Variants in DENND2C observed in about 807,000 individuals in gnomAD.
DENND2C encodes the protein DENN domain-containing protein 2C.
DENND2C carries 72 observed loss-of-function variants against 112.4 expected under a neutral mutation model. The observed-to-expected ratio is 0.64, with a 90% confidence interval of 0.53 to 0.78. The LOEUF (loss-of-function observed/expected upper bound fraction) is 0.78. Ranked by LOEUF, DENND2C falls within the 30% of genes least tolerant of loss-of-function variation. The pLI, the probability that DENND2C is intolerant of heterozygous loss-of-function variation, is 0.00. For missense variants in DENND2C, 992 were observed against 1,113.8 expected, an observed-to-expected ratio of 0.89 and a Z score of 1.56; for synonymous variants, 329 against 381.6, an observed-to-expected ratio of 0.86 and a Z score of 1.61.
chr1:114,615,949 C>T (rs954712326), intron 8 of DENND2C, among the ~76,000 whole-genome samples: 5 of 152,134 alleles, frequency 3.3e-5, no homozygotes, highest in South Asian at 4.1e-4. Context: ...GTGGTGGGCA[C>T]CTGTAATCCC....
intron 3 of DENND2C, among the ~76,000 whole-genome samples, chr1:114,644,619 G>GT (rs1427589181): frequency 6.6e-6 from 1 of 152,114 alleles, no homozygotes; most frequent in African/African-American, 2.4e-5. Flanking sequence ...CAATAAGAAT[G>GT]TTTTTTGTAT....
At position 114,608,865 on chromosome 1, in the gene DENND2C, T is replaced by C. The variant is rs905401757; in HGVS notation, c.1378A>G (p.Lys460Glu). 6.2e-7 allele frequency: 1 copy of C among 1,614,154 alleles called. No individual in the cohort carries two copies. The highest frequency in any genetic ancestry group is 1.3e-5 in the African/African-American group (1 of 75,056). The change falls in exon 10 of 21, where the codon AAA becomes GAA. Residue 460 changes from lysine to glutamate, a missense_variant. By Grantham distance (56) the Lys-to-Glu change is moderately conservative. Coordinates refer to ENST00000393274, the MANE Select transcript of DENND2C (RefSeq NM_001256404.2). ...DAEYLPKNRH[K>E]RLAQLQPSSK... ...GACGGTTGCAGTTGTGCTAAGCGTTTATGGCGATCTGTAATGAAATCATGG... is the reference window on the plus strand; with the variant it reads ...GACGGTTGCAGTTGTGCTAAGCGTTCATGGCGATCTGTAATGAAATCATGG...
chr1:114,645,300 C>CA (rs1484145257), intron 3 of DENND2C, 148 bp downstream of exon 3: 3 of 152,110 alleles, frequency 2.0e-5, no homozygotes, highest in Non-Finnish European at 2.9e-5. Flanking sequence ...AAAATGAGGT[C>CA]AGTAGGGTGG....
At chr1:114,610,267 G>A (rs1230104800) in intron 9 of DENND2C, among the ~76,000 whole-genome samples, 2 of 152,122 alleles carry the variant, frequency 1.3e-5, no homozygotes, top group Non-Finnish European at 2.9e-5. Context: ...GAAATGCATG[G>A]TGCATTCTAT....
chr1:114,656,129 A>G (rs1265753885), intron 1 of DENND2C, among the ~76,000 whole-genome samples: 16 of 149,916 alleles, frequency 1.1e-4, no homozygotes, highest in African/African-American at 1.7e-4. Flanking sequence ...GTGCAATGGT[A>G]CAATCACGGC....
At chr1:114,654,820 G>C (rs1434775210) in intron 1 of DENND2C, 59 bp from the exon 2 acceptor site, 7 of 151,340 alleles carry the variant, frequency 4.6e-5, no homozygotes, top group African/African-American at 1.7e-4. Context: ...AGGTCCCCAG[G>C]TGCCTATATT....
rs924536949 is a variant in DENND2C at position 114,604,846 on chromosome 1, T to C, written c.1667+76A>G. 3 of 1,031,128 alleles carry C rather than the reference T, an allele frequency of 2.9e-6. 1 individual carries two copies. Among genetic ancestry groups the C allele is most frequent in the Middle Eastern group, 4.1e-4 (2 of 4,904 alleles). The allele number at this position is 1,031,128 out of a possible 1,614,324, so 63.9% of individuals were successfully genotyped here. On this transcript the variant is annotated intron_variant, in intron 11 of 20. Coordinates refer to ENST00000393274, the MANE Select transcript of DENND2C (RefSeq NM_001256404.2). ...GTATTCACATAGCTTCACTAATGGC[T>C]GTACCCATTTCTCAAATACTCTGAT...
intron 17 of DENND2C, 119 bp from the exon 18 acceptor site, chr1:114,594,697 G>C (rs1655292295): frequency 5.3e-6 from 4 of 753,420 alleles, no homozygotes; most frequent in Non-Finnish European, 8.5e-6. Context: ...TTTGGCTAAA[G>C]AGTCAGTCTG....
At chr1:114,657,354 T>A (rs182438553) in intron 1 of DENND2C, among the ~76,000 whole-genome samples, 1 of 152,228 alleles carries the variant, frequency 6.6e-6, no homozygotes, top group South Asian at 2.1e-4. Context: ...TACATCATCA[T>A]GTTCTGTTAG....
At chr1:114,622,870 A>G in intron 6 of DENND2C, 117 bp downstream of exon 6, 1 of 657,774 alleles carries the variant, frequency 1.5e-6, no homozygotes, top group Non-Finnish European at 2.3e-6. Context: ...TACCACCAAC[A>G]TTAAAACTTA....
At chr1:114,649,089 G>A (rs752052703) in intron 2 of DENND2C, among the ~76,000 whole-genome samples, 1 of 151,778 alleles carries the variant, frequency 6.6e-6, no homozygotes, top group Non-Finnish European at 1.5e-5. Context: ...CGAGTAGCTG[G>A]GATTACAGGC....
intron 1 of DENND2C, among the ~76,000 whole-genome samples, chr1:114,665,792 T>C (rs1343025509): frequency 6.6e-6 from 1 of 152,210 alleles, no homozygotes; most frequent in Non-Finnish European, 1.5e-5. Flanking sequence ...GATAAATAAT[T>C]CCTTCTACTT....
chr1:114,589,533 T>G (rs1371611809), intron 18 of DENND2C, among the ~76,000 whole-genome samples: 1 of 152,110 alleles, frequency 6.6e-6, no homozygotes, highest in Non-Finnish European at 1.5e-5. Context: ...CTTTTTTCTT[T>G]TTTTTAATTA....
intron 12 of DENND2C, 66 bp downstream of exon 12, chr1:114,602,059 G>T: frequency 6.7e-7 from 1 of 1,496,714 alleles, no homozygotes; most frequent in South Asian, 1.1e-5. Context: ...TAGTGTTTCT[G>T]AAGTTCCTAC....
chr1:114,602,062 G>T, intron 12 of DENND2C, 63 bp downstream of exon 12: 1 of 1,517,484 alleles, frequency 6.6e-7, no homozygotes, highest in Non-Finnish European at 9.1e-7. Context: ...TGTTTCTGAA[G>T]TTCCTACTCT....
intron 10 of DENND2C, 75 bp downstream of exon 10, chr1:114,608,611 C>A (rs1655723851): frequency 6.0e-6 from 9 of 1,509,396 alleles, no homozygotes; most frequent in Non-Finnish European, 3.6e-6. Context: ...ATAACAAAAA[C>A]CAAGAGGACA....
rs1654983536 is a variant in DENND2C at position 114,584,305 on chromosome 1, T to A, written c.*1295A>T. On this transcript the variant is annotated 3_prime_UTR_variant, in exon 21 of 21. Coordinates refer to ENST00000393274, the MANE Select transcript of DENND2C (RefSeq NM_001256404.2). ...TCTTTTTTTTGAGATGGAGTCTCGC[T>A]CTGTCACCCTGGCTGGAATGCAGTG... 6.6e-6 allele frequency: 1 copy of A among 152,240 alleles called. No homozygotes were observed. Among genetic ancestry groups the A allele is most frequent in the Non-Finnish European group, 1.5e-5 (1 of 68,122 alleles). 9.4% of individuals were successfully genotyped at this position (152,240 alleles called of 1,614,324 possible).
chr1:114,644,666 T>C (rs1417540409), intron 3 of DENND2C, among the ~76,000 whole-genome samples: 2 of 152,234 alleles, frequency 1.3e-5, no homozygotes, highest in Non-Finnish European at 2.9e-5. Flanking sequence ...CATAATCTCA[T>C]TCTATCCTCA....
At chr1:114,610,898 GTGT>G (rs1655798565) in intron 9 of DENND2C, among the ~76,000 whole-genome samples, 172 bp downstream of exon 9, 1 of 152,120 alleles carries the variant, frequency 6.6e-6, no homozygotes, top group Non-Finnish European at 1.5e-5. Flanking sequence ...ACATCTGACA[GTGT>G]TTAATTCTGA....
Sources: allele counts gnomAD v4.1 joint callset (sites outside exome capture counted in the v4.1 genomes callset), GRCh38; gene constraint gnomAD v4.1.1; transcripts MANE v1.5; gene names NCBI Gene and HGNC (gene_info 2026-07-23, HGNC 2026-07-21).